Variants in TRAPPC9 observed in about 807,000 individuals in gnomAD.
TRAPPC9 encodes the protein trafficking protein particle complex subunit 9, also known as IKK2 binding protein.
In TRAPPC9, 83 loss-of-function variants were observed where a neutral mutation model predicts 124.0. The ratio of observed to expected loss-of-function variants is 0.67; its 90% confidence interval spans 0.56 to 0.80. The LOEUF (loss-of-function observed/expected upper bound fraction) is 0.80. Among genes scored for constraint, TRAPPC9 ranks in the 30% least tolerant of loss-of-function variants. TRAPPC9 has a pLI of 0.00. For synonymous variants in TRAPPC9, 638 were observed against 617.5 expected (o/e 1.03, Z -0.49); for missense variants, 1,302 against 1,508.3 (o/e 0.86, Z 2.27).
At chr8:139,919,237 G>A (rs1351465219) in intron 19 of TRAPPC9, among the ~76,000 whole-genome samples, 2 of 152,234 alleles carry the variant, frequency 1.3e-5, no homozygotes, top group Admixed American at 1.3e-4. Context: ...GTGACCGGAG[G>A]CAAGTCACTT....
rs142627115 is a variant in TRAPPC9 at position 140,451,176 on chromosome 8, G to A, written c.198C>T (p.Asn66=). Residue 66 remains asparagine (N), a synonymous_variant, in exon 2 of 23, where the codon AAC becomes AAT. Transcript: ENST00000438773. ...GGTGGGTCTGGAAGTCACCCCACTC[G>A]TTGTTCTCGGGTGGGTAGTGGTGCC... ...RYRHHYPPEN[N]EWGDFQTHRK... 160 of 1,614,098 alleles carry A rather than the reference G, an allele frequency of 9.9e-5. 1 individual carries two copies. The East Asian group carries it at 1.1e-3, about 11-fold the overall frequency.
chr8:140,374,447 G>A (rs951910289), intron 7 of TRAPPC9, among the ~76,000 whole-genome samples: 2 of 152,156 alleles, frequency 1.3e-5, no homozygotes, highest in Non-Finnish European at 2.9e-5. Flanking sequence ...GTGCATACCT[G>A]TAATCCCAGC....
chr8:139,925,435 C>G (rs1464555477), intron 19 of TRAPPC9, among the ~76,000 whole-genome samples: 1 of 152,282 alleles, frequency 6.6e-6, no homozygotes, highest in South Asian at 2.1e-4. Flanking sequence ...CTGAGCAAAA[C>G]AGACCCAACC....
intron 9 of TRAPPC9, among the ~76,000 whole-genome samples, chr8:140,320,584 A>G (rs1313406256): frequency 6.6e-6 from 1 of 152,192 alleles, no homozygotes; most frequent in Non-Finnish European, 1.5e-5. Flanking sequence ...AGTCAAATCC[A>G]GCACCCGGTT....
rs764409094 is a variant in TRAPPC9 at position 139,731,056 on chromosome 8, C to A, written c.*5G>T. The A allele has an allele frequency of 1.9e-6, 3 of 1,611,868 alleles. No individual in the cohort carries two copies. Among genetic ancestry groups the A allele is most frequent in the Middle Eastern group, 2.0e-4 (1 of 5,038 alleles). The stretch of plus-strand genomic sequence containing the variant: ...CTGCAGAAAGAGGGACGGAAGTAGG[C>A]GGGCTCAGGCCTGCGCCTCCAGGGC... On this transcript the variant is annotated 3_prime_UTR_variant, in exon 23 of 23. Transcript: ENST00000438773.
intron 17 of TRAPPC9, among the ~76,000 whole-genome samples, chr8:140,173,753 T>C (rs73362978): frequency 6.6e-6 from 1 of 152,116 alleles, no homozygotes; most frequent in Non-Finnish European, 1.5e-5. Flanking sequence ...TAGCTATCCA[T>C]GCATTGGAAA....
At chr8:140,415,786 T>C (rs949918125) in intron 5 of TRAPPC9, among the ~76,000 whole-genome samples, 2 of 151,962 alleles carry the variant, frequency 1.3e-5, no homozygotes, top group African/African-American at 2.4e-5. Context: ...CTTGGTAACA[T>C]AGAGAGACCC....
At chr8:140,237,801 C>A (rs193229699) in intron 16 of TRAPPC9, among the ~76,000 whole-genome samples, 1 of 152,138 alleles carries the variant, frequency 6.6e-6, no homozygotes, top group Non-Finnish European at 1.5e-5. Flanking sequence ...AACATGACTG[C>A]GGTGACAATG....
chr8:140,451,012 T>G lies in TRAPPC9; in HGVS notation c.362A>C (p.Gln121Pro). ...GCGCGGCTGCTCCACGATCTCCCCC[T>G]GCAGCCCGAAGACAAAGAGCCGGGA... is the stretch of plus-strand genomic sequence containing the variant. ...YDSRLFVFGL[Q>P]GEIVEQPRTD... is the part of the protein sequence containing the mutation. The change falls in exon 2 of 23, where the codon CAG becomes CCG. Residue 121 changes from glutamine to proline, a missense_variant. Around this residue, in one of 3 missense-constraint regions of TRAPPC9, gnomAD observed 657 missense variants for 811.2 expected, o/e 0.81. Transcript: ENST00000438773. 3 of 1,614,102 alleles carry G rather than the reference T, an allele frequency of 1.9e-6. No individual in the cohort carries two copies. Among genetic ancestry groups the G allele is most frequent in the East Asian group, 4.5e-5 (2 of 44,878 alleles).
intron 19 of TRAPPC9, among the ~76,000 whole-genome samples, chr8:139,965,292 T>C (rs966878787): frequency 1.8e-4 from 28 of 152,204 alleles, no homozygotes; most frequent in African/African-American, 6.8e-4. Context: ...ATGTGCCCTC[T>C]ATAACTTGCA....
chr8:140,229,878 C>T (rs1332397128), intron 16 of TRAPPC9, among the ~76,000 whole-genome samples: 1 of 152,130 alleles, frequency 6.6e-6, no homozygotes, highest in South Asian at 2.1e-4. Context: ...TTCAATGTAC[C>T]AAATATTCCC....
intron 21 of TRAPPC9, among the ~76,000 whole-genome samples, chr8:139,861,211 G>A (rs1828121407): frequency 6.6e-6 from 1 of 152,252 alleles, no homozygotes; most frequent in South Asian, 2.1e-4. Flanking sequence ...AATGGTGAGA[G>A]CACACCTGGA....
chr8:139,825,995 C>T lies in TRAPPC9; in HGVS notation c.3055+59884G>A, dbSNP rs1825602389. On this transcript the variant is annotated intron_variant, in intron 21 of 22. Coordinates refer to ENST00000438773, the MANE Select transcript of TRAPPC9 (RefSeq NM_001160372.4). This position sits in a 1 kb window ranked among gnomAD's most constrained non-coding sequence, Gnocchi z 4.6. ...CAACAGCAGGGGAGCTCCAGGGCCC[C>T]TGTCCTCTCCCAGGTGGGGGTGAGA... Among the ~76,000 whole-genome samples the T allele has an allele frequency of 6.6e-6, 1 of 152,174 alleles. No individual in the cohort carries two copies. The highest frequency in any genetic ancestry group is 1.5e-5 in the Non-Finnish European group (1 of 68,036).
intron 17 of TRAPPC9, among the ~76,000 whole-genome samples, chr8:140,138,052 A>G (rs1462959727): frequency 1.3e-5 from 2 of 152,218 alleles, no homozygotes; most frequent in African/African-American, 4.8e-5. Context: ...TGTAATCCCA[A>G]CACTTGGGGA....
intron 8 of TRAPPC9, among the ~76,000 whole-genome samples, chr8:140,369,086 A>T (rs183599720): frequency 8.5e-5 from 13 of 152,266 alleles, no homozygotes; most frequent in East Asian, 7.7e-4. Context: ...CATAAAGCCT[A>T]AAATATTTAC....
At chr8:140,423,579 T>TAC (rs35333495) in intron 5 of TRAPPC9, among the ~76,000 whole-genome samples, 5,446 of 145,382 alleles carry the variant, frequency 0.037, 143 homozygotes, top group African/African-American at 0.071. Context: ...AAATGTGGCA[T>TAC]ACACACACAC....
chr8:140,303,475 A>G (rs1013231981), intron 10 of TRAPPC9, among the ~76,000 whole-genome samples: 1 of 152,224 alleles, frequency 6.6e-6, no homozygotes, highest in African/African-American at 2.4e-5. Context: ...TTTGCAGAGA[A>G]TTCCATAGAT....
intron 20 of TRAPPC9, among the ~76,000 whole-genome samples, chr8:139,909,470 A>C (rs945010753): frequency 4.6e-5 from 7 of 152,076 alleles, no homozygotes; most frequent in Non-Finnish European, 7.4e-5. Context: ...ATACTAGACA[A>C]ACAACTGCAT....
At chr8:139,888,067 C>T (rs1056370322) in intron 20 of TRAPPC9, among the ~76,000 whole-genome samples, 2 of 152,206 alleles carry the variant, frequency 1.3e-5, no homozygotes, top group African/African-American at 2.4e-5. Context: ...CTTCTTGCTC[C>T]TGGCTCCAGT....
Sources: allele counts gnomAD v4.1 joint callset (sites outside exome capture counted in the v4.1 genomes callset), GRCh38; gene constraint gnomAD v4.1.1; regional missense constraint gnomAD v4.1.1; non-coding constraint Gnocchi (gnomAD v3.1); transcripts MANE v1.5; gene names NCBI Gene and HGNC (gene_info 2026-07-23, HGNC 2026-07-21).